MACROH2A1: variants seen among roughly 807,000 people sequenced by gnomAD.
MACROH2A1 encodes the protein core histone macro-H2A.1.
Under a neutral mutation model 31.6 loss-of-function variants are expected in MACROH2A1, and 2 were observed. That is an observed-to-expected ratio of 0.06 (90% CI 0.03 to 0.20). The LOEUF is 0.20. MACROH2A1 is among the 10% of genes least tolerant of loss of function. MACROH2A1 has a pLI of 1.00. For synonymous variants in MACROH2A1, 169 were observed against 189.6 expected (o/e 0.89, Z 0.89); for missense variants, 230 against 474.0 (o/e 0.49, Z 4.78).
chr5:135,353,938 T>A (rs1761885062), intron 5 of MACROH2A1: 2 of 152,256 alleles, frequency 1.3e-5, no homozygotes, highest in South Asian at 2.1e-4. Flanking sequence ...CTAGGACTGC[T>A]GTCCCAGGTC....
chr5:135,369,736 T>C lies in MACROH2A1; in HGVS notation c.280-133A>G. On this transcript the variant is annotated intron_variant, in intron 3 of 8. Coordinates refer to ENST00000511689, the MANE Select transcript of MACROH2A1 (RefSeq NM_138610.3). The surrounding 1 kb of genome is among the most constrained non-coding windows in gnomAD (Gnocchi z 4.3). ...TCCTCCATGGCATCCTCCATGAGGA[T>C]GCTGCCAGGACTCAAGCTCACTGCT... The C allele has an allele frequency of 1.5e-6, 1 of 683,722 alleles. No individual in the cohort carries two copies. The highest frequency in any genetic ancestry group is 2.5e-6 in the Non-Finnish European group (1 of 397,012). The allele number at this position is 683,722 out of a possible 1,614,324, so 42.4% of individuals were successfully genotyped here.
Position 135,351,922 on chromosome 5 carries a change from C to CTTT in MACROH2A1, c.688+1021_688+1023dup, listed in dbSNP as rs150464921. ...ATCCTTGCTTTTTCTAGCTTGTGGC[C>CTTT]TTTTTTTTTTTAAGTATCTGTATAA... On this transcript the variant is annotated intron_variant, in intron 6 of 8. Transcript: ENST00000511689. 1.2e-3 allele frequency among the ~76,000 whole-genome samples: 169 copies of CTTT among 145,538 alleles called. 1 individual carries two copies. The highest frequency in any genetic ancestry group is 4.0e-3 in the African/African-American group (161 of 39,936).
chr5:135,393,648 A>G (rs1354323436), intron 1 of MACROH2A1, among the ~76,000 whole-genome samples: 7 of 152,262 alleles, frequency 4.6e-5, no homozygotes, highest in Non-Finnish European at 1.0e-4. Flanking sequence ...TCCTTCCTTC[A>G]GTAAACCAGG....
At chr5:135,355,442 C>T in intron 5 of MACROH2A1, 1 of 353,982 alleles carries the variant, frequency 2.8e-6, no homozygotes, top group Non-Finnish European at 5.6e-6. Context: ...TGTGATTTTC[C>T]AACTATGCTC....
At chr5:135,357,982 T>TCACA in intron 5 of MACROH2A1, 1 of 985,342 alleles carries the variant, frequency 1.0e-6, no homozygotes, top group Non-Finnish European at 1.2e-6. Flanking sequence ...GGTTTCAGTG[T>TCACA]CACAGATAGA....
At chr5:135,336,129 C>T (rs915932966) in intron 8 of MACROH2A1, among the ~76,000 whole-genome samples, 1 of 152,230 alleles carries the variant, frequency 6.6e-6, no homozygotes, top group Non-Finnish European at 1.5e-5. Flanking sequence ...CCTATTTCAG[C>T]TGGAGCTCTC....
At chr5:135,362,982 T>C (rs1249113510) in intron 4 of MACROH2A1, 2 of 152,184 alleles carry the variant, frequency 1.3e-5, no homozygotes, top group Non-Finnish European at 2.9e-5. Context: ...CTCTGAAGTT[T>C]GAACTCTGAA....
chr5:135,370,196 C>A, intron 2 of MACROH2A1, 54 bp from the exon 3 acceptor site: 1 of 1,107,998 alleles, frequency 9.0e-7, no homozygotes, highest in Non-Finnish European at 1.3e-6. Flanking sequence ...TGTGTCCCCG[C>A]CCCGGTCCCC....
chr5:135,390,591 A>G (rs946865671), intron 1 of MACROH2A1, among the ~76,000 whole-genome samples: 6 of 152,164 alleles, frequency 3.9e-5, no homozygotes, highest in East Asian at 1.9e-4. Context: ...AGTCTTCCCT[A>G]TGAACATGTT....
At chr5:135,360,342 C>G in intron 5 of MACROH2A1, 155 bp downstream of exon 5, 1 of 616,280 alleles carries the variant, frequency 1.6e-6, no homozygotes, top group Non-Finnish European at 2.9e-6. Context: ...AGCATCTAGC[C>G]CTCCCTGAGG....
intron 8 of MACROH2A1, among the ~76,000 whole-genome samples, chr5:135,337,167 T>A (rs1180957824): frequency 1.3e-5 from 2 of 152,266 alleles, no homozygotes; most frequent in Non-Finnish European, 2.9e-5. Flanking sequence ...TGGGCTGGGC[T>A]GAGGGCCTGT....
intron 1 of MACROH2A1, among the ~76,000 whole-genome samples, chr5:135,391,655 T>G (rs1361431550): frequency 6.6e-6 from 1 of 152,146 alleles, no homozygotes; most frequent in South Asian, 2.1e-4. Context: ...GTCCCATGGG[T>G]GCCTTGAACT....
At chr5:135,373,295 A>G (rs1175240702) in intron 2 of MACROH2A1, among the ~76,000 whole-genome samples, 1 of 151,480 alleles carries the variant, frequency 6.6e-6, no homozygotes, top group Non-Finnish European at 1.5e-5. Context: ...TGATGGATAA[A>G]AAGACCTGAA....
intron 2 of MACROH2A1, among the ~76,000 whole-genome samples, chr5:135,370,929 T>C (rs1764100710): frequency 6.6e-6 from 1 of 152,180 alleles, no homozygotes; most frequent in Non-Finnish European, 1.5e-5. Context: ...TCCTTGTTCT[T>C]AGGAGATACA....
Position 135,343,359 on chromosome 5 carries a change from T to A in MACROH2A1, c.854A>T (p.Lys285Met), listed in dbSNP as rs1263100617. Residue 285 changes from lysine to methionine, a missense_variant, in exon 8 of 9, where the codon AAG becomes ATG. Physicochemically the swap from Lys to Met is moderately conservative, Grantham distance 95. Transcript: ENST00000511689. The part of the protein sequence containing the change: ...HCNSPVWGAD[K>M]CEELLEKTVK... ...TGTCTTTTCCAGAAGTTCTTCACAC[T>A]TGTCTGCACCCCAAACTGGACTATT... is the stretch of plus-strand genomic sequence containing the variant. 3 of 1,614,122 alleles carry A rather than the reference T, an allele frequency of 1.9e-6. No individual in the cohort carries two copies. Among genetic ancestry groups the A allele is most frequent in the Non-Finnish European group, 2.5e-6 (3 of 1,180,050 alleles).
intron 8 of MACROH2A1, 75 bp from the exon 9 acceptor site, chr5:135,335,216 A>G: frequency 6.4e-6 from 7 of 1,091,742 alleles, no homozygotes; most frequent in East Asian, 4.8e-5. Flanking sequence ...CTTACAGGCC[A>G]CCTCCCTCTG....
chr5:135,392,450 C>T (rs750910114), intron 1 of MACROH2A1, among the ~76,000 whole-genome samples: 5 of 152,206 alleles, frequency 3.3e-5, no homozygotes, highest in Non-Finnish European at 5.9e-5. Context: ...TGTACTTTAT[C>T]CCTCCCCATG....
At chr5:135,393,092 C>T (rs748954976) in intron 1 of MACROH2A1, among the ~76,000 whole-genome samples, 5 of 152,198 alleles carry the variant, frequency 3.3e-5, no homozygotes, top group South Asian at 2.1e-4. Context: ...TTCTCACTCC[C>T]GAAAAATCCA....
intron 5 of MACROH2A1, chr5:135,357,256 G>A (rs1762286021): frequency 6.6e-6 from 1 of 152,234 alleles, no homozygotes; most frequent in Non-Finnish European, 1.5e-5. Flanking sequence ...ATGGTCGATA[G>A]CTGAGCCATT....
Sources: allele counts gnomAD v4.1 joint callset (sites outside exome capture counted in the v4.1 genomes callset), GRCh38; gene constraint gnomAD v4.1.1; non-coding constraint Gnocchi (gnomAD v3.1); transcripts MANE v1.5; gene names NCBI Gene and HGNC (gene_info 2026-07-23, HGNC 2026-07-21).